Variants in SPOCK3 observed in about 807,000 individuals in gnomAD.
SPOCK3 encodes testican-3.
A neutral mutation model predicts 56.6 loss-of-function variants in SPOCK3; 30 were observed. That is an observed-to-expected ratio of 0.53 (90% confidence interval 0.40 to 0.72). The LOEUF is 0.72. Ranked by LOEUF, SPOCK3 falls within the 30% of genes least tolerant of loss-of-function variation. The probability of loss-of-function intolerance (pLI) is 0.00; values close to 1 mark genes in which losing one functional copy is unlikely to be tolerated. For synonymous variants in SPOCK3, 196 were observed against 183.3 expected (o/e 1.07, Z -0.56); for missense variants, 527 against 530.0 (o/e 0.99, Z 0.06).
At chr4:166,764,943 A>T (rs1737781874) in intron 7 of SPOCK3, among the ~76,000 whole-genome samples, 1 of 152,136 alleles carries the variant, frequency 6.6e-6, no homozygotes, top group Non-Finnish European at 1.5e-5. Context: ...ATGACCAGTG[A>T]TGATGAGCAT....
chr4:167,205,264 A>C (rs1733969740), intron 2 of SPOCK3, among the ~76,000 whole-genome samples: 1 of 73,560 alleles, frequency 1.4e-5, no homozygotes, highest in Non-Finnish European at 2.4e-5. Flanking sequence ...TATATTTTAT[A>C]TCTATAATAT....
intron 6 of SPOCK3, among the ~76,000 whole-genome samples, chr4:166,855,859 T>A (rs1730592304): frequency 6.6e-6 from 1 of 152,172 alleles, no homozygotes. Flanking sequence ...CTGATCCTGA[T>A]TATCTGGGGA....
intron 4 of SPOCK3, among the ~76,000 whole-genome samples, chr4:166,982,408 A>G (rs775199894): frequency 1.3e-5 from 2 of 152,092 alleles, no homozygotes; most frequent in Non-Finnish European, 2.9e-5. Context: ...AATAACTCCT[A>G]TAGACGTGGT....
At chr4:167,133,861 A>G (rs551574573) in intron 2 of SPOCK3, among the ~76,000 whole-genome samples, 1 of 152,202 alleles carries the variant, frequency 6.6e-6, no homozygotes, top group South Asian at 2.1e-4. Context: ...AAATTGCTAT[A>G]AAAATCACTT....
chr4:167,011,187 TA>T (rs1276634513), intron 3 of SPOCK3: 25 of 433,818 alleles, frequency 5.8e-5, no homozygotes, highest in Non-Finnish European at 4.7e-5. Flanking sequence ...ACAAATTGAG[TA>T]AAAAATACAA....
At chr4:166,801,443 T>C (rs768390125) in intron 6 of SPOCK3, among the ~76,000 whole-genome samples, 25 of 152,104 alleles carry the variant, frequency 1.6e-4, no homozygotes, top group Non-Finnish European at 2.8e-4. Context: ...TCATAACATG[T>C]TAAAAATTTC....
intron 2 of SPOCK3, among the ~76,000 whole-genome samples, chr4:167,215,543 C>A (rs1189612755): frequency 6.6e-6 from 1 of 152,094 alleles, no homozygotes; most frequent in African/African-American, 2.4e-5. Context: ...GAAAAACTCA[C>A]TGTGAGGAAG....
At chr4:166,953,254 C>T (rs1057101949) in intron 4 of SPOCK3, among the ~76,000 whole-genome samples, 5 of 151,956 alleles carry the variant, frequency 3.3e-5, no homozygotes, top group African/African-American at 1.2e-4. Flanking sequence ...AACAAACAAC[C>T]CCATCAAAAA....
intron 7 of SPOCK3, among the ~76,000 whole-genome samples, chr4:166,766,094 T>G (rs28821260): frequency 6.6e-6 from 1 of 151,942 alleles, no homozygotes; most frequent in Non-Finnish European, 1.5e-5. Context: ...TGGGCTGAGA[T>G]GATAGGGTTT....
intron 4 of SPOCK3, among the ~76,000 whole-genome samples, chr4:166,937,768 T>C (rs995176984): frequency 2.2e-4 from 33 of 148,264 alleles, no homozygotes; most frequent in Non-Finnish European, 1.8e-4. Flanking sequence ...TTTTTCTTTT[T>C]TTTTTTTGAG....
At chr4:167,143,507 T>G (rs1432051717) in intron 2 of SPOCK3, among the ~76,000 whole-genome samples, 1 of 151,988 alleles carries the variant, frequency 6.6e-6, no homozygotes. Flanking sequence ...CTGGATAACA[T>G]AATGCAGGCA....
intron 3 of SPOCK3, among the ~76,000 whole-genome samples, chr4:167,046,488 C>G (rs1753746819): frequency 1.8e-5 from 2 of 111,154 alleles, no homozygotes; most frequent in Non-Finnish European, 3.5e-5. Flanking sequence ...CAAAGTCTCA[C>G]TCTGTCGCCT....
intron 2 of SPOCK3, among the ~76,000 whole-genome samples, chr4:167,173,027 A>T (rs536610822): frequency 2.6e-5 from 4 of 152,236 alleles, no homozygotes; most frequent in African/African-American, 9.6e-5. Flanking sequence ...ATGCCAATCA[A>T]ATGTTTTCAT....
chr4:167,062,520 A>G lies in SPOCK3; in HGVS notation c.207T>C (p.Thr69=), dbSNP rs775888298. Residue 69 remains threonine, a synonymous_variant, in exon 3 of 11, where the codon ACT becomes ACC. Coordinates refer to ENST00000357545, the MANE Select transcript of SPOCK3 (RefSeq NM_001040159.2). ...GATCGAAGGGTTTTCCTGGACTCCA[A>G]GTGCGGAAATAATCATCCTAAGGGG... ...NKFRDDDYFR[T]WSPGKPFDQA... 4.4e-6 allele frequency: 7 copies of G among 1,607,552 alleles called. No individual in the cohort carries two copies. The South Asian group carries it at 7.7e-5, about 18-fold the overall frequency.
chr4:166,934,350 T>C (rs1479329379), intron 4 of SPOCK3, among the ~76,000 whole-genome samples: 7 of 116,458 alleles, frequency 6.0e-5, no homozygotes, highest in African/African-American at 2.0e-4. Flanking sequence ...AAAAAAAAAT[T>C]CGTCAGGTGT....
chr4:166,842,334 T>A (rs1441843340), intron 6 of SPOCK3, among the ~76,000 whole-genome samples: 1 of 152,214 alleles, frequency 6.6e-6, no homozygotes, highest in South Asian at 2.1e-4. Context: ...AGCTGATTGG[T>A]CCATTTTACA....
chr4:167,223,693 T>C (rs1736300656), intron 2 of SPOCK3, among the ~76,000 whole-genome samples: 1 of 152,022 alleles, frequency 6.6e-6, no homozygotes, highest in African/African-American at 2.4e-5. Context: ...ATCATGCCTG[T>C]AATCCCAGCA....
intron 2 of SPOCK3, among the ~76,000 whole-genome samples, chr4:167,107,062 A>T (rs1760227364): frequency 6.6e-6 from 1 of 151,924 alleles, no homozygotes; most frequent in East Asian, 1.9e-4. Flanking sequence ...TCACTGCTGA[A>T]TTCTGCCAAA....
chr4:166,959,900 T>G (rs543150671), intron 4 of SPOCK3, among the ~76,000 whole-genome samples: 1 of 152,170 alleles, frequency 6.6e-6, no homozygotes, highest in African/African-American at 2.4e-5. Context: ...AAATTAAAAT[T>G]TTTCCATTTC....
Sources: gnomAD v4.1 joint callset for allele counts (sites outside exome capture counted in the v4.1 genomes callset) on GRCh38, gnomAD v4.1.1 for gene constraint, MANE v1.5 for transcripts, NCBI Gene and HGNC (gene_info 2026-07-23, HGNC 2026-07-21) for gene names.